XPNPEP3: variants seen among roughly 807,000 people sequenced by gnomAD.
XPNPEP3 encodes X-prolyl aminopeptidase 3.
Under a neutral mutation model 60.0 loss-of-function variants are expected in XPNPEP3, and 41 were observed. That is an observed-to-expected ratio of 0.68 (90% CI 0.53 to 0.89). The LOEUF (loss-of-function observed/expected upper bound fraction) is 0.89, where lower values mean the gene tolerates loss of function less well. Among genes scored for constraint, XPNPEP3 ranks in the 40% least tolerant of loss-of-function variants. The pLI, the probability that XPNPEP3 is intolerant of heterozygous loss-of-function variation, is 0.00. For missense variants in XPNPEP3, 598 were observed against 638.9 expected (o/e 0.94, Z 0.69); for synonymous variants, 212 against 223.2 (o/e 0.95, Z 0.45).
intron 1 of XPNPEP3, chr22:40,861,719 C>T (rs1162145610): frequency 1.2e-5 from 20 of 1,614,078 alleles, no homozygotes; most frequent in Non-Finnish European, 1.6e-5. Context: ...CATCATCTGG[C>T]TTATGGAATG....
At chr22:40,904,993 T>C (rs573708647) in intron 4 of XPNPEP3, among the ~76,000 whole-genome samples, 2 of 152,248 alleles carry the variant, frequency 1.3e-5, no homozygotes, top group East Asian at 1.9e-4. Context: ...GGTCTCGAAC[T>C]CCTGGCCACA....
intron 4 of XPNPEP3, 50 bp downstream of exon 4, chr22:40,886,565 C>G (rs1221196012): frequency 1.9e-6 from 3 of 1,579,950 alleles, no homozygotes; most frequent in Non-Finnish European, 2.6e-6. Context: ...GTGGCTCACG[C>G]CTGTAATCCA....
intron 4 of XPNPEP3, among the ~76,000 whole-genome samples, chr22:40,899,178 CACTCGAATTATTT>C (rs547817895): frequency 5.3e-5 from 8 of 152,194 alleles, no homozygotes; most frequent in Admixed American, 2.6e-4. Context: ...GTCAACTTGC[CACTCGAATTATTT>C]TAGCTGTGGT....
chr22:40,884,476 C>T (rs548511485), intron 3 of XPNPEP3, among the ~76,000 whole-genome samples: 2 of 151,264 alleles, frequency 1.3e-5, no homozygotes, highest in Non-Finnish European at 2.9e-5. Flanking sequence ...GTTACAGGCA[C>T]GCGCCACCAT....
intron 6 of XPNPEP3, 75 bp downstream of exon 6, chr22:40,909,310 T>C: frequency 8.7e-7 from 1 of 1,143,138 alleles, no homozygotes; most frequent in Non-Finnish European, 1.3e-6. Flanking sequence ...CCTCATGTCC[T>C]CTCACCTTCA....
In XPNPEP3 at chr22:40,860,912, A is replaced by G. The variant is rs945043884; in HGVS notation, c.64+3667A>G. 7 of 733,866 alleles carry G rather than the reference A, an allele frequency of 9.5e-6. No individual in the cohort carries two copies. In the African/African-American group the frequency reaches 1.2e-4, roughly 13 times the overall value. 45.5% of individuals were successfully genotyped at this position (733,866 alleles called of 1,614,324 possible). A position where few individuals can be genotyped will look rare whatever the true frequency, so the allele number is the denominator to read the frequency against. ...CACCACAAACTCATCCTTTTCTGACATACCCATTCAAAAAAACTACTAACC... is the reference window on the plus strand; with the variant it reads ...CACCACAAACTCATCCTTTTCTGACGTACCCATTCAAAAAAACTACTAACC... On this transcript the variant is annotated intron_variant, in intron 1 of 9. Coordinates refer to ENST00000357137, the MANE Select transcript of XPNPEP3 (RefSeq NM_022098.4).
Position 40,907,586 on chromosome 22 carries a change from G to T in XPNPEP3, c.793-1G>T, listed in dbSNP as rs777168795. 6.2e-7 allele frequency: 1 copy of T among 1,613,770 alleles called. No homozygotes were observed. The highest frequency in any genetic ancestry group is 8.5e-7 in the Non-Finnish European group (1 of 1,179,736). ...CTTTTCATCCTCCTTTCTCTTTGCA[G>T]GCTTTCATAGAAACCATGTTCACCA... On this transcript the variant is annotated splice_acceptor_variant, in intron 4 of 9. Transcript: ENST00000357137. LOFTEE classifies it high-confidence loss of function.
Position 40,926,604 on chromosome 22 carries a change from A to AGTAAG in XPNPEP3, c.*172_*173insAGGTA. 1.3e-6 allele frequency: 1 copy of AGTAAG among 794,248 alleles called. No homozygotes were observed. The highest frequency in any genetic ancestry group is 1.5e-5 in the South Asian group (1 of 65,482). 49.2% of individuals were successfully genotyped at this position (794,248 alleles called of 1,614,324 possible). On this transcript the variant is annotated 3_prime_UTR_variant, in exon 10 of 10. Transcript: ENST00000357137. ...TGTGTGTGGGGGGTTTTTTGTTTTA[A>AGTAAG]GTAGTTAGAAGTCTGGGAAAATGAA... is the stretch of plus-strand genomic sequence containing the variant.
intron 1 of XPNPEP3, among the ~76,000 whole-genome samples, chr22:40,864,630 A>G (rs545228890): frequency 6.6e-6 from 1 of 152,100 alleles, no homozygotes; most frequent in African/African-American, 2.4e-5. Flanking sequence ...TTTTTAGTAG[A>G]GAGGGGGTTT....
intron 1 of XPNPEP3, chr22:40,862,557 T>C (rs2057956640): frequency 3.0e-6 from 3 of 985,410 alleles, no homozygotes; most frequent in Non-Finnish European, 3.6e-6. Context: ...TACAATATAA[T>C]AGTTATGATG....
Position 40,893,014 on chromosome 22 carries a change from G to GT in XPNPEP3, c.792+6503dup, listed in dbSNP as rs1406851844. Among the ~76,000 whole-genome samples the GT allele has an allele frequency of 6.0e-5, 9 of 150,562 alleles. No individual in the cohort carries two copies. In the East Asian group the frequency reaches 1.7e-3, roughly 29 times the overall value. On this transcript the variant is annotated intron_variant, in intron 4 of 9. Transcript: ENST00000357137. ...CCTTTGTAAAACCGTTATCTTAATG[G>GT]TTTTATGTGTTAGATTATTATCCAT...
At chr22:40,926,145 G>C (rs1441187341) in intron 9 of XPNPEP3, 124 bp from the exon 10 acceptor site, 1 of 989,188 alleles carries the variant, frequency 1.0e-6, no homozygotes, top group African/African-American at 1.6e-5. Flanking sequence ...AGCTTTACTA[G>C]GTAGGTACCA....
intron 4 of XPNPEP3, among the ~76,000 whole-genome samples, chr22:40,902,406 C>T (rs996568765): frequency 6.6e-6 from 1 of 152,008 alleles, no homozygotes; most frequent in African/African-American, 2.4e-5. Flanking sequence ...GCCTGCCACA[C>T]GCCCAGCTAA....
chr22:40,885,601 C>A (rs530466469), intron 3 of XPNPEP3, among the ~76,000 whole-genome samples: 9 of 152,292 alleles, frequency 5.9e-5, no homozygotes, highest in South Asian at 4.1e-4. Context: ...AAGTCATGAT[C>A]TGAGTATGTT....
At chr22:40,884,504 GT>G (rs550575062) in intron 3 of XPNPEP3, among the ~76,000 whole-genome samples, 2 of 148,258 alleles carry the variant, frequency 1.3e-5, no homozygotes, top group African/African-American at 2.5e-5. Flanking sequence ...GAATTTTTCT[GT>G]TTTTTTTTAG....
At chr22:40,914,453 C>A in intron 7 of XPNPEP3, 129 bp downstream of exon 7, 1 of 779,220 alleles carries the variant, frequency 1.3e-6, no homozygotes, top group Non-Finnish European at 2.2e-6. Flanking sequence ...TTGCAAAGCT[C>A]CTTATTATTT....
Position 40,928,595 on chromosome 22 carries a change from T to C in XPNPEP3, c.*2160T>C, listed in dbSNP as rs1388191156. 1 of 152,340 alleles carries C rather than the reference T, an allele frequency of 6.6e-6. No individual in the cohort carries two copies. The highest frequency in any genetic ancestry group is 2.4e-5 in the African/African-American group (1 of 41,572). The allele number at this position is 152,340 out of a possible 1,614,324, so 9.4% of individuals were successfully genotyped here. A position where few individuals can be genotyped will look rare whatever the true frequency, so the allele number is the denominator to read the frequency against. ...ATGAACAGGGCTAGATTACCACAGATAGCTTATTTAGGAGCGTCTGTGATA... is the reference window on the plus strand; with the variant it reads ...ATGAACAGGGCTAGATTACCACAGACAGCTTATTTAGGAGCGTCTGTGATA... On this transcript the variant is annotated 3_prime_UTR_variant, in exon 10 of 10. Transcript: ENST00000357137.
At chr22:40,904,930 A>G (rs1272414727) in intron 4 of XPNPEP3, among the ~76,000 whole-genome samples, 1 of 151,876 alleles carries the variant, frequency 6.6e-6, no homozygotes, top group Non-Finnish European at 1.5e-5. Context: ...ATGCCCAGCA[A>G]ATTTTTTGTA....
chr22:40,863,173 G>T (rs1240451350), intron 1 of XPNPEP3, among the ~76,000 whole-genome samples: 1 of 152,210 alleles, frequency 6.6e-6, no homozygotes, highest in Admixed American at 6.5e-5. Context: ...TGGGGAATAT[G>T]CAAGTTTAAT....
Sources: gnomAD v4.1 joint callset for allele counts (sites outside exome capture counted in the v4.1 genomes callset) on GRCh38, gnomAD v4.1.1 for gene constraint, MANE v1.5 for transcripts, NCBI Gene and HGNC (gene_info 2026-07-23, HGNC 2026-07-21) for gene names.